CCDC63: variants seen among roughly 807,000 people sequenced by gnomAD.
CCDC63 encodes the protein coiled-coil domain-containing protein 63.
Under a neutral mutation model 63.6 loss-of-function variants are expected in CCDC63, and 54 were observed. The observed-to-expected ratio is 0.85, with a 90% CI of 0.68 to 1.07. The LOEUF (loss-of-function observed/expected upper bound fraction) is 1.07. CCDC63 is among the 50% of genes least tolerant of loss of function. The pLI, the probability that CCDC63 is intolerant of heterozygous loss-of-function variation, is 0.00. For synonymous variants in CCDC63, 253 were observed against 266.1 expected (o/e 0.95, Z 0.48); for missense variants, 637 against 689.6 (o/e 0.92, Z 0.86).
At chr12:110,846,828 C>G (rs1283047942), upstream of CCDC63, 1 of 152,430 alleles carries the variant, frequency 6.6e-6, no homozygotes, top group Non-Finnish European at 1.5e-5. Flanking sequence ...CCCCTCTCCC[C>G]CAACCAAAAG....
upstream of CCDC63, among the ~76,000 whole-genome samples, chr12:110,846,448 G>T (rs1279384095): frequency 6.6e-6 from 1 of 152,066 alleles, no homozygotes; most frequent in African/African-American, 2.4e-5. Context: ...AGTGGGTGGG[G>T]GTCAGGTGGA....
rs1400978660 is a variant in CCDC63 at position 110,847,673 on chromosome 12, A to C, written c.-97+568A>C. ...ACAAGAAAAACAACAACAACAACAAAAAACTGTGTATGTGTTTCTGTGCTC... is the reference window on the plus strand; with the variant it reads ...ACAAGAAAAACAACAACAACAACAACAAACTGTGTATGTGTTTCTGTGCTC... On this transcript the variant is annotated intron_variant, in intron 1 of 11. Coordinates refer to ENST00000308208, the MANE Select transcript of CCDC63 (RefSeq NM_152591.3). 3.3e-5 allele frequency among the ~76,000 whole-genome samples: 5 copies of C among 152,204 alleles called. No homozygotes were observed. The East Asian group carries it at 5.8e-4, about 18-fold the overall frequency.
intron 4 of CCDC63, among the ~76,000 whole-genome samples, chr12:110,863,541 ATTT>A (rs34243608): frequency 2.9e-5 from 4 of 138,462 alleles, no homozygotes; most frequent in African/African-American, 5.4e-5. Flanking sequence ...TGTCCCAGGG[ATTT>A]TTTTTTTTTT....
rs576018738 is a variant in CCDC63 at position 110,855,592 on chromosome 12, A to G, written c.179+2018A>G. Among the ~76,000 whole-genome samples, 6 of 151,952 alleles carry G rather than the reference A, an allele frequency of 3.9e-5. No individual in the cohort carries two copies. In the East Asian group the frequency reaches 1.2e-3, roughly 29 times the overall value. On this transcript the variant is annotated intron_variant, in intron 3 of 11. Transcript: ENST00000308208. ...TAGGTTCTTATTATTTTATTTATTTATTTTTTGAGATGGAGTTTCGCTCTT... is the reference window on the plus strand; with the variant it reads ...TAGGTTCTTATTATTTTATTTATTTGTTTTTTGAGATGGAGTTTCGCTCTT...
At chr12:110,865,618 A>C (rs1250598468) in intron 4 of CCDC63, among the ~76,000 whole-genome samples, 3 of 152,234 alleles carry the variant, frequency 2.0e-5, no homozygotes, top group Admixed American at 6.5e-5. Flanking sequence ...CGTTAACTAA[A>C]TAGTGTTGCG....
intron 11 of CCDC63, 142 bp downstream of exon 11, chr12:110,904,933 G>C (rs1455834194): frequency 1.8e-6 from 1 of 569,492 alleles, no homozygotes; most frequent in Non-Finnish European, 2.9e-6. Flanking sequence ...TGGCCTGCCA[G>C]TTCCCTTGGG....
intron 8 of CCDC63, among the ~76,000 whole-genome samples, chr12:110,891,634 CAA>C (rs1167265918): frequency 1.2e-4 from 8 of 65,524 alleles, no homozygotes; most frequent in Admixed American, 1.9e-4. Context: ...GACCCTTTCT[CAA>C]AAAAAAAAAA....
chr12:110,869,713 G>A (rs1360486651), intron 4 of CCDC63, among the ~76,000 whole-genome samples: 1 of 152,056 alleles, frequency 6.6e-6, no homozygotes, highest in African/African-American at 2.4e-5. Context: ...CTGGCATTAC[G>A]AGGGTATAGA....
Position 110,884,194 on chromosome 12 carries a change from G to A in CCDC63, c.1018G>A (p.Val340Ile), listed in dbSNP as rs1347487228. The A allele has an allele frequency of 1.2e-6, 2 of 1,614,148 alleles. No homozygotes were observed. The highest frequency in any genetic ancestry group is 1.3e-5 in the African/African-American group (1 of 75,042). Residue 340 changes from valine to isoleucine, a missense_variant, in exon 8 of 12, where the codon GTC (valine) becomes ATC (isoleucine). Coordinates refer to ENST00000308208, the MANE Select transcript of CCDC63 (RefSeq NM_152591.3). The stretch of plus-strand genomic sequence containing the variant: ...GAAGAATTTTGCTCGGTTCACGTAT[G>A]TCACGGAGCTCAACAACGACATGGA... The part of the protein sequence containing the change: ...EEKNFARFTY[V>I]TELNNDMEMM...
intron 4 of CCDC63, among the ~76,000 whole-genome samples, chr12:110,870,933 T>A (rs1181618572): frequency 6.6e-6 from 1 of 152,136 alleles, no homozygotes; most frequent in Non-Finnish European, 1.5e-5. Context: ...AGATGTTATT[T>A]CCACCTCCGT....
At chr12:110,864,367 G>C (rs569739487) in intron 4 of CCDC63, among the ~76,000 whole-genome samples, 14 of 150,738 alleles carry the variant, frequency 9.3e-5, no homozygotes, top group Admixed American at 4.0e-4. Context: ...GAAGCAGGAA[G>C]ATCTTTGAGC....
intron 1 of CCDC63, among the ~76,000 whole-genome samples, chr12:110,847,370 C>T (rs911899971): frequency 1.3e-5 from 2 of 152,074 alleles, no homozygotes; most frequent in South Asian, 2.1e-4. Flanking sequence ...TCGAGACCAG[C>T]TCGGGCAAAT....
At chr12:110,887,325 C>T (rs2071296166) in intron 8 of CCDC63, among the ~76,000 whole-genome samples, 1 of 152,054 alleles carries the variant, frequency 6.6e-6, no homozygotes, top group African/African-American at 2.4e-5. Flanking sequence ...AAGGTTTCAT[C>T]ATGTTGGCCA....
Position 110,858,668 on chromosome 12 carries a change from C to A in CCDC63, c.262C>A (p.Arg88=). 1.2e-6 allele frequency: 2 copies of A among 1,613,960 alleles called. No homozygotes were observed. Among genetic ancestry groups the A allele is most frequent in the Non-Finnish European group, 1.7e-6 (2 of 1,179,954 alleles). ...CATGAAATCCTCGAGGAACATGAAT[C>A]GGAGTGAGAAGAACTACATGGAGCT... ...SLMKSSRNMN[R]SEKNYMELRL... Residue 88 remains arginine (R), a synonymous_variant, in exon 4 of 12, where the codon CGG becomes AGG. Coordinates refer to ENST00000308208, the MANE Select transcript of CCDC63 (RefSeq NM_152591.3).
intron 1 of CCDC63, among the ~76,000 whole-genome samples, chr12:110,848,772 A>G (rs2070670873): frequency 6.6e-6 from 1 of 152,200 alleles, no homozygotes; most frequent in African/African-American, 2.4e-5. Flanking sequence ...AGGTCAAATC[A>G]CACTGTCAGT....
rs1452200062 is a variant in CCDC63 at position 110,867,105 on chromosome 12, C to T, written c.370-6737C>T. 9.2e-5 allele frequency among the ~76,000 whole-genome samples: 13 copies of T among 140,818 alleles called. No individual in the cohort carries two copies. The South Asian group carries it at 2.3e-3, about 25-fold the overall frequency. The allele number at this position is 140,818 out of a possible 152,430, so 92.4% of individuals were successfully genotyped here. ...GGCACCCCTCACCTCCCAGACGGGGCGGCTGGCCGGGCAGGGGGGCTGACC... is the reference window on the plus strand; with the variant it reads ...GGCACCCCTCACCTCCCAGACGGGGTGGCTGGCCGGGCAGGGGGGCTGACC... On this transcript the variant is annotated intron_variant, in intron 4 of 11. Coordinates refer to ENST00000308208, the MANE Select transcript of CCDC63 (RefSeq NM_152591.3).
At chr12:110,905,910 T>A (rs1318555885) in intron 11 of CCDC63, among the ~76,000 whole-genome samples, 1 of 57,016 alleles carries the variant, frequency 1.8e-5, no homozygotes, top group African/African-American at 7.2e-5. Context: ...ATAATATATA[T>A]TATATTATAT....
intron 5 of CCDC63, 74 bp downstream of exon 5, chr12:110,874,035 C>T (rs1476200078): frequency 6.5e-7 from 1 of 1,530,660 alleles, no homozygotes; most frequent in Middle Eastern, 1.7e-4. Context: ...GATGTCTGCC[C>T]AGCCATTAGC....
intron 10 of CCDC63, among the ~76,000 whole-genome samples, chr12:110,899,372 G>T (rs113961161): frequency 0.21 from 32,250 of 152,090 alleles, 3,730 homozygotes; most frequent in Admixed American, 0.28. Flanking sequence ...AGGCTGGAGT[G>T]CAGTGGCCCA....
Sources: allele counts gnomAD v4.1 joint callset (sites outside exome capture counted in the v4.1 genomes callset), GRCh38; gene constraint gnomAD v4.1.1; transcripts MANE v1.5; gene names NCBI Gene and HGNC (gene_info 2026-07-23, HGNC 2026-07-21).